STARD13: variants seen among roughly 807,000 people sequenced by gnomAD.
STARD13 encodes StAR related lipid transfer domain containing 13.
In STARD13, 62 loss-of-function variants were observed where a neutral mutation model predicts 106.4. That is an observed-to-expected ratio of 0.58 (90% CI 0.48 to 0.72). The LOEUF (loss-of-function observed/expected upper bound fraction) is 0.72. Ranked by LOEUF, STARD13 falls within the 30% of genes least tolerant of loss-of-function variation. The pLI, the probability that STARD13 is intolerant of heterozygous loss-of-function variation, is 0.00. For missense variants in STARD13, 1,387 were observed against 1,424.0 expected, an observed-to-expected ratio of 0.97 and a Z score of 0.42; for synonymous variants, 565 against 553.0, an observed-to-expected ratio of 1.02 and a Z score of -0.31.
At chr13:33,498,185 A>T in the STARD13 span, among the ~76,000 whole-genome samples, 1 of 152,348 alleles carries the variant, frequency 6.6e-6, no homozygotes, top group Non-Finnish European at 1.5e-5. Flanking sequence ...CTTGAGTCTT[A>T]AGTCAATATG....
At chr13:33,548,318 A>T in the STARD13 span, among the ~76,000 whole-genome samples, 2 of 152,186 alleles carry the variant, frequency 1.3e-5, no homozygotes, top group African/African-American at 4.8e-5. Context: ...TTCTAACAGA[A>T]TTTGGAAGAT....
intron 1 of STARD13, among the ~76,000 whole-genome samples, chr13:33,300,590 G>T (rs112890353): frequency 1.3e-5 from 2 of 152,102 alleles, no homozygotes; most frequent in Admixed American, 1.3e-4. Flanking sequence ...CTTACTTTAC[G>T]TGAAATGCTT....
the STARD13 span, among the ~76,000 whole-genome samples, chr13:33,662,771 AC>A: frequency 6.6e-6 from 1 of 152,198 alleles, no homozygotes; most frequent in Admixed American, 6.5e-5. Context: ...TAAAGCTGAC[AC>A]CCATTAATTT....
intron 1 of STARD13, among the ~76,000 whole-genome samples, chr13:33,285,171 A>T (rs1351162282): frequency 1.3e-5 from 2 of 152,154 alleles, no homozygotes; most frequent in African/African-American, 2.4e-5. Context: ...AGCTCCTAAG[A>T]TACACACTGA....
chr13:33,278,052 G>A (rs1197299640), intron 1 of STARD13, among the ~76,000 whole-genome samples: 4 of 152,142 alleles, frequency 2.6e-5, no homozygotes, highest in South Asian at 2.1e-4. Flanking sequence ...TAAGGGAAGC[G>A]TAGGCCACAT....
chr13:33,501,880 G>A, the STARD13 span, among the ~76,000 whole-genome samples: 51 of 151,852 alleles, frequency 3.4e-4, no homozygotes, highest in African/African-American at 1.1e-3. Flanking sequence ...TTTTGGTTCC[G>A]TATGATCTTT....
At chr13:33,270,967 CAG>C (rs1891130343) in intron 1 of STARD13, among the ~76,000 whole-genome samples, 1 of 152,198 alleles carries the variant, frequency 6.6e-6, no homozygotes, top group Admixed American at 6.5e-5. Context: ...CTCCCACAAG[CAG>C]AGTCAGTTCA....
At chr13:33,188,485 C>A (rs1885970103) in intron 1 of STARD13, among the ~76,000 whole-genome samples, 1 of 152,166 alleles carries the variant, frequency 6.6e-6, no homozygotes. Context: ...GCTACACACA[C>A]ACACCCACCC....
Position 33,350,179 on chromosome 13 carries a change from C to T in STARD13, c.124+111G>A, listed in dbSNP as rs936314292. The T allele has an allele frequency of 8.2e-6, 11 of 1,334,356 alleles. No individual in the cohort carries two copies. In the African/African-American group the frequency reaches 1.7e-4, roughly 21 times the overall value. 82.7% of individuals were successfully genotyped at this position (1,334,356 alleles called of 1,614,324 possible). ...AGCCCGCTCGCCCCGGCCTTGGGCT[C>T]TGAAACTCATGCCCTGGAGCCCAGA... On this transcript the variant is annotated intron_variant, in intron 1 of 1. Transcript: ENST00000439831.
At chr13:33,578,195 G>A in the STARD13 span, among the ~76,000 whole-genome samples, 1 of 151,984 alleles carries the variant, frequency 6.6e-6, no homozygotes, top group Admixed American at 6.6e-5. Flanking sequence ...AATAGCCAGA[G>A]CAATCCTAAG....
intron 1 of STARD13, among the ~76,000 whole-genome samples, chr13:33,301,978 T>C (rs1481212906): frequency 6.6e-6 from 1 of 152,146 alleles, no homozygotes; most frequent in Non-Finnish European, 1.5e-5. Context: ...GCAGGAAGCA[T>C]GTTCAGAAAG....
chr13:33,211,228 T>C (rs1301002382), intron 1 of STARD13, among the ~76,000 whole-genome samples: 2 of 151,044 alleles, frequency 1.3e-5, no homozygotes, highest in Non-Finnish European at 3.0e-5. Flanking sequence ...ACATGAAAGA[T>C]ATTAAAATAA....
At chr13:33,209,108 T>G (rs1032881259) in intron 1 of STARD13, among the ~76,000 whole-genome samples, 1 of 152,144 alleles carries the variant, frequency 6.6e-6, no homozygotes, top group Admixed American at 6.5e-5. Flanking sequence ...AGGAAAATAT[T>G]GGGGAGTGGA....
chr13:33,351,444 A>G (rs1434491250), upstream of STARD13, among the ~76,000 whole-genome samples: 1 of 152,222 alleles, frequency 6.6e-6, no homozygotes, highest in African/African-American at 2.4e-5. Flanking sequence ...TAAGAAATAC[A>G]TCATCACTGA....
At chr13:33,373,423 T>C in the STARD13 span, among the ~76,000 whole-genome samples, 1 of 152,162 alleles carries the variant, frequency 6.6e-6, no homozygotes, top group African/African-American at 2.4e-5. Flanking sequence ...TTAAAAAATA[T>C]AAATATTGAT....
the STARD13 span, chr13:33,524,503 T>C: frequency 4.3e-5 from 7 of 162,816 alleles, no homozygotes; most frequent in Admixed American, 3.1e-4. Flanking sequence ...AAAATTGACA[T>C]AAAATGTAAG....
At chr13:33,621,813 T>G in the STARD13 span, among the ~76,000 whole-genome samples, 2 of 147,748 alleles carry the variant, frequency 1.4e-5, no homozygotes, top group Admixed American at 1.4e-4. Context: ...TTTTTTTTTC[T>G]TTTTTTTTTG....
chr13:33,410,521 G>T, the STARD13 span, among the ~76,000 whole-genome samples: 1 of 152,130 alleles, frequency 6.6e-6, no homozygotes, highest in African/African-American at 2.4e-5. Flanking sequence ...TAACAAAGAA[G>T]TACTTGTCAT....
At chr13:33,665,074 G>A in the STARD13 span, among the ~76,000 whole-genome samples, 5 of 152,242 alleles carry the variant, frequency 3.3e-5, no homozygotes, top group Non-Finnish European at 4.4e-5. Context: ...CCCTGTTACT[G>A]TGGCGAGCAT....
Sources: gnomAD v4.1 joint callset for allele counts (sites outside exome capture counted in the v4.1 genomes callset) on GRCh38, gnomAD v4.1.1 for gene constraint, MANE v1.5 for transcripts, NCBI Gene and HGNC (gene_info 2026-07-23, HGNC 2026-07-21) for gene names.